The following TRIO variants were observed in gnomAD, a reference collection of about 807,000 sequenced individuals.
The protein encoded by TRIO is trio Rho guanine nucleotide exchange factor, also known as triple functional domain protein.
Under a neutral mutation model 351.9 loss-of-function variants are expected in TRIO, and 58 were observed. The observed-to-expected ratio is 0.16, with a 90% CI of 0.13 to 0.21. TRIO has a LOEUF of 0.21. Ranked by LOEUF, TRIO falls within the 10% of genes least tolerant of loss-of-function variation. TRIO has a pLI of 1.00. For missense variants in TRIO, 3,201 were observed against 4,027.8 expected (o/e 0.79, Z 5.56); for synonymous variants, 1,758 against 1,595.7 (o/e 1.10, Z -2.42).
rs1374002034 is a variant in TRIO at position 14,510,011 on chromosome 5, G to A, written c.*1589G>A. On this transcript the variant is annotated 3_prime_UTR_variant, in exon 57 of 57. Transcript: ENST00000344204. The stretch of plus-strand genomic sequence containing the variant: ...AAACTTTTTAAAAGAAATTGGATTC[G>A]AAACTGGATGTGTATTCGTAACCTC... 3 of 152,290 alleles carry A rather than the reference G, an allele frequency of 2.0e-5. No homozygotes were observed. The highest frequency in any genetic ancestry group is 2.1e-4 in the South Asian group (1 of 4,824). The allele number at this position is 152,290 out of a possible 1,614,324, so 9.4% of individuals were successfully genotyped here. A position where few individuals can be genotyped will look rare whatever the true frequency, so the allele number is the denominator to read the frequency against.
At position 14,343,524 on chromosome 5, in the gene TRIO, G is replaced by T. The variant is rs144462404; in HGVS notation, c.2046+6797G>T. ...AGTCATGCAGCATGTAACTTTTTGA[G>T]ATGGCTTTTTTTTAACTCAGCACAA... On this transcript the variant is annotated intron_variant, in intron 11 of 56. Coordinates refer to ENST00000344204, the MANE Select transcript of TRIO (RefSeq NM_007118.4). Among the ~76,000 whole-genome samples the T allele has an allele frequency of 5.9e-3, 905 of 152,260 alleles. 11 individuals are homozygous for T. Among genetic ancestry groups the T allele is most frequent in the African/African-American group, 0.021 (864 of 41,546 alleles).
chr5:14,426,526 G>C (rs1269694133), intron 34 of TRIO, among the ~76,000 whole-genome samples: 1 of 152,176 alleles, frequency 6.6e-6, no homozygotes, highest in Non-Finnish European at 1.5e-5. Context: ...GACCCACAAG[G>C]AACTGTCCAG....
chr5:14,226,605 A>G (rs1446098251), intron 1 of TRIO, among the ~76,000 whole-genome samples: 1 of 152,266 alleles, frequency 6.6e-6, no homozygotes, highest in Non-Finnish European at 1.5e-5. Flanking sequence ...ATTCCAAATT[A>G]TGCATTTATA....
intron 1 of TRIO, among the ~76,000 whole-genome samples, chr5:14,168,610 C>T (rs1197295633): frequency 6.6e-6 from 1 of 152,194 alleles, no homozygotes; most frequent in Non-Finnish European, 1.5e-5. Context: ...GTTTGTGGTG[C>T]ATGTCTTCTT....
At chr5:14,435,486 G>A (rs1183640853) in intron 34 of TRIO, among the ~76,000 whole-genome samples, 2 of 152,164 alleles carry the variant, frequency 1.3e-5, no homozygotes, top group Non-Finnish European at 2.9e-5. Flanking sequence ...ACCTTGTGGG[G>A]AAATATTTTT....
intron 1 of TRIO, among the ~76,000 whole-genome samples, chr5:14,165,430 GA>G (rs1788707682): frequency 6.6e-6 from 1 of 152,220 alleles, no homozygotes; most frequent in Admixed American, 6.5e-5. Flanking sequence ...TCCTGCAAAA[GA>G]CATGATTTCA....
At chr5:14,486,771 G>A (rs1755946655) in intron 47 of TRIO, among the ~76,000 whole-genome samples, 1 of 152,084 alleles carries the variant, frequency 6.6e-6, no homozygotes, top group Non-Finnish European at 1.5e-5. Context: ...ACACCCCTTA[G>A]TCCTGGAAGA....
intron 1 of TRIO, among the ~76,000 whole-genome samples, chr5:14,210,018 G>T (rs1419033993): frequency 6.6e-6 from 1 of 152,198 alleles, no homozygotes; most frequent in East Asian, 1.9e-4. Flanking sequence ...ACCAAGTGGG[G>T]TCCTGGTGCC....
chr5:14,190,601 C>T (rs1418797224), intron 1 of TRIO, among the ~76,000 whole-genome samples: 1 of 152,122 alleles, frequency 6.6e-6, no homozygotes, highest in Non-Finnish European at 1.5e-5. Flanking sequence ...TTAAATGATT[C>T]AGGCTCATGA....
At chr5:14,359,003 G>T (rs932780619) in intron 12 of TRIO, among the ~76,000 whole-genome samples, 3 of 152,186 alleles carry the variant, frequency 2.0e-5, no homozygotes, top group South Asian at 2.1e-4. Flanking sequence ...TTAACCTCTC[G>T]TGTCCAATAT....
chr5:14,303,251 C>T lies in TRIO; in HGVS notation c.1369-1210C>T, dbSNP rs1462387684. On this transcript the variant is annotated intron_variant, in intron 7 of 56. Transcript: ENST00000344204. Reference sequence around the variant, plus strand: ...ATTGAGCCGGGATTGGGATGGCTGCCGCAGGACCGTTGATGATCCTGGAGA... The same window carrying T: ...ATTGAGCCGGGATTGGGATGGCTGCTGCAGGACCGTTGATGATCCTGGAGA... 1.9e-4 allele frequency among the ~76,000 whole-genome samples: 26 copies of T among 139,150 alleles called. 1 individual carries two copies. Among genetic ancestry groups the T allele is most frequent in the Admixed American group, 2.2e-4 (3 of 13,914 alleles). The allele number at this position is 139,150 out of a possible 152,430, so 91.3% of individuals were successfully genotyped here.
intron 36 of TRIO, among the ~76,000 whole-genome samples, chr5:14,464,365 A>G (rs1036702953): frequency 6.6e-6 from 1 of 152,168 alleles, no homozygotes; most frequent in Non-Finnish European, 1.5e-5. Context: ...TCTGTTTGCT[A>G]GTTACTATGT....
intron 1 of TRIO, among the ~76,000 whole-genome samples, chr5:14,189,777 C>A (rs1430447702): frequency 1.3e-5 from 2 of 151,380 alleles, no homozygotes; most frequent in Admixed American, 6.6e-5. Context: ...GTTGCCCAGG[C>A]TGGAGTGCAG....
intron 1 of TRIO, among the ~76,000 whole-genome samples, chr5:14,218,342 C>T (rs140075819): frequency 1.3e-5 from 2 of 152,274 alleles, no homozygotes; most frequent in South Asian, 2.1e-4. Context: ...ACTATGGAAT[C>T]ATAATAACCC....
intron 28 of TRIO, among the ~76,000 whole-genome samples, chr5:14,396,308 A>G (rs1320129269): frequency 6.6e-6 from 1 of 151,932 alleles, no homozygotes; most frequent in Non-Finnish European, 1.5e-5. Flanking sequence ...TTTAGATGGG[A>G]CATTGCATTC....
intron 15 of TRIO, 88 bp downstream of exon 15, chr5:14,364,904 G>A: frequency 4.1e-6 from 6 of 1,468,468 alleles, no homozygotes; most frequent in Non-Finnish European, 5.4e-6. Flanking sequence ...CTGTAGCATT[G>A]GGAAGGATTG....
intron 43 of TRIO, among the ~76,000 whole-genome samples, chr5:14,480,698 C>T (rs1561539283): frequency 2.0e-5 from 3 of 152,156 alleles, no homozygotes; most frequent in Non-Finnish European, 2.9e-5. Context: ...TAAACAGGAA[C>T]AATTGGATAG....
intron 49 of TRIO, among the ~76,000 whole-genome samples, chr5:14,496,133 G>A (rs1756878245): frequency 6.6e-6 from 1 of 152,136 alleles, no homozygotes; most frequent in Admixed American, 6.5e-5. Flanking sequence ...TTTAATTAAG[G>A]TATGTACATT....
At chr5:14,445,400 A>G (rs1752366605) in intron 34 of TRIO, among the ~76,000 whole-genome samples, 1 of 152,244 alleles carries the variant, frequency 6.6e-6, no homozygotes, top group African/African-American at 2.4e-5. Flanking sequence ...AGCGAGCAGC[A>G]GAAGGGAACA....
Sources: allele counts gnomAD v4.1 joint callset (sites outside exome capture counted in the v4.1 genomes callset), GRCh38; gene constraint gnomAD v4.1.1; transcripts MANE v1.5; gene names NCBI Gene and HGNC (gene_info 2026-07-23, HGNC 2026-07-21).